The following ALG1L2 variants were observed in gnomAD, a reference collection of about 807,000 sequenced individuals.
ALG1L2 encodes putative glycosyltransferase ALG1L2.
ALG1L2 carries 32 observed loss-of-function variants against 29.0 expected under a neutral mutation model. The ratio of observed to expected loss-of-function variants is 1.10; its 90% CI spans 0.83 to 1.48. The LOEUF (loss-of-function observed/expected upper bound fraction) is 1.48. Among genes scored for constraint, ALG1L2 ranks in the 40% most tolerant of loss-of-function variants. The probability of loss-of-function intolerance (pLI) is 0.00; values close to 1 mark genes in which losing one functional copy is unlikely to be tolerated. For missense variants in ALG1L2, 318 were observed against 274.1 expected (o/e 1.16, Z -1.13); for synonymous variants, 110 against 109.5 (o/e 1.00, Z -0.03).
At chr3:130,098,135 G>A (rs1240404532) in intron 7 of ALG1L2, 88 bp from the exon 8 acceptor site, 3 of 1,559,598 alleles carry the variant, frequency 1.9e-6, no homozygotes, top group Non-Finnish European at 2.6e-6. Flanking sequence ...CTTGGGAGGG[G>A]TTGTTGTTGG....
At chr3:130,088,079 T>A (rs1354011392) in intron 1 of ALG1L2, among the ~76,000 whole-genome samples, 1 of 152,298 alleles carries the variant, frequency 6.6e-6, no homozygotes, top group Non-Finnish European at 1.5e-5. Flanking sequence ...GGCCACATGG[T>A]GACTCAAAAC....
intron 4 of ALG1L2, chr3:130,094,201 CA>C (rs1935080745): frequency 3.2e-6 from 2 of 626,352 alleles, no homozygotes; most frequent in Non-Finnish European, 5.6e-6. Flanking sequence ...GGCTATGCAT[CA>C]GGGGTCAGGG....
chr3:130,084,289 TTCC>T lies in ALG1L2; in HGVS notation c.20+2254_20+2256del, dbSNP rs1934845732. Among the ~76,000 whole-genome samples, 6 of 86,008 alleles carry T rather than the reference TTCC, an allele frequency of 7.0e-5. No homozygotes were observed. The Admixed American group carries it at 7.5e-4, about 11-fold the overall frequency. 56.4% of individuals were successfully genotyped at this position (86,008 alleles called of 152,430 possible). Reference sequence around the variant, plus strand: ...TCTGCACAACATAGCGAGACCCCATTTCCCCCCCTCAAAAAAAATTAATAAAAA... The same window carrying T: ...TCTGCACAACATAGCGAGACCCCATTCCCCCTCAAAAAAAATTAATAAAAA... On this transcript the variant is annotated intron_variant, in intron 1 of 7. Transcript: ENST00000425059.
At chr3:130,087,068 C>T (rs1268383485) in intron 1 of ALG1L2, among the ~76,000 whole-genome samples, 8 of 149,504 alleles carry the variant, frequency 5.4e-5, no homozygotes, top group East Asian at 1.9e-4. Flanking sequence ...TAAATGGCTA[C>T]ATAAGATGAC....
At chr3:130,090,283 G>A (rs1934988613) in intron 1 of ALG1L2, among the ~76,000 whole-genome samples, 1 of 151,930 alleles carries the variant, frequency 6.6e-6, no homozygotes, top group Admixed American at 6.5e-5. Context: ...TTGAACCCGG[G>A]AGGCAAGGTC....
At chr3:130,088,418 T>A (rs1389352081) in intron 1 of ALG1L2, among the ~76,000 whole-genome samples, 2 of 152,020 alleles carry the variant, frequency 1.3e-5, no homozygotes, top group African/African-American at 2.4e-5. Context: ...CAAGATCTAA[T>A]TCTTTTTTTC....
At chr3:130,086,827 C>T (rs1934899400) in intron 1 of ALG1L2, among the ~76,000 whole-genome samples, 1 of 150,720 alleles carries the variant, frequency 6.6e-6, no homozygotes, top group Admixed American at 6.7e-5. Context: ...TCAGCAAAAC[C>T]ACAAGTGGGC....
At chr3:130,091,442 G>C in intron 2 of ALG1L2, 71 bp downstream of exon 2, 2 of 1,479,280 alleles carry the variant, frequency 1.4e-6, no homozygotes, top group Non-Finnish European at 1.8e-6. Flanking sequence ...TCTCACTGCA[G>C]ACCTGGGAAC....
chr3:130,087,736 A>C (rs1157964845), intron 1 of ALG1L2, among the ~76,000 whole-genome samples: 5 of 126,624 alleles, frequency 3.9e-5, no homozygotes, highest in Non-Finnish European at 7.3e-5. Context: ...CATGTCTGGA[A>C]AAATAATAAT....
intron 5 of ALG1L2, among the ~76,000 whole-genome samples, chr3:130,095,324 C>A (rs540289848): frequency 1.3e-5 from 2 of 151,732 alleles, no homozygotes; most frequent in Admixed American, 1.3e-4. Context: ...ACCCATCATG[C>A]CTGGCCCCAG....
At chr3:130,083,620 G>A (rs78579257) in intron 1 of ALG1L2, among the ~76,000 whole-genome samples, 16,468 of 79,320 alleles carry the variant, frequency 0.21, 629 homozygotes, top group Middle Eastern at 0.3. Context: ...AATGTAAAGA[G>A]GAACAGTATA....
intron 2 of ALG1L2, 113 bp from the exon 3 acceptor site, chr3:130,091,988 G>C: frequency 6.5e-7 from 1 of 1,537,062 alleles, no homozygotes. Flanking sequence ...TGCTGATGCA[G>C]CCGGGCACCC....
intron 1 of ALG1L2, among the ~76,000 whole-genome samples, chr3:130,090,083 C>T (rs375348990): frequency 1.2e-4 from 18 of 152,224 alleles, no homozygotes; most frequent in Middle Eastern, 3.4e-3. Flanking sequence ...GGGCCTGGCA[C>T]GGTGGCTCAT....
intron 7 of ALG1L2, 102 bp from the exon 8 acceptor site, chr3:130,098,121 G>A (rs1434977283): frequency 1.3e-6 from 2 of 1,493,778 alleles, no homozygotes; most frequent in Admixed American, 1.9e-5. Context: ...GAGGGAGCTA[G>A]GGACTTGGGA....
At chr3:130,086,050 C>G (rs369499966) in intron 1 of ALG1L2, among the ~76,000 whole-genome samples, 1 of 151,544 alleles carries the variant, frequency 6.6e-6, no homozygotes, top group South Asian at 2.1e-4. Context: ...CACGGGCCAC[C>G]AGGAGGCCTG....
At chr3:130,097,890 A>G (rs528664510) in intron 7 of ALG1L2, among the ~76,000 whole-genome samples, 1 of 152,316 alleles carries the variant, frequency 6.6e-6, no homozygotes, top group Admixed American at 6.5e-5. Flanking sequence ...ACAGTTTAGC[A>G]AGGCTGAAAA....
rs572050509 is a variant in ALG1L2 at position 130,088,403 on chromosome 3, T to C, written c.21-2858T>C. Among the ~76,000 whole-genome samples, 3 of 152,418 alleles carry C rather than the reference T, an allele frequency of 2.0e-5. No individual in the cohort carries two copies. In the South Asian group the frequency reaches 6.2e-4, roughly 32 times the overall value. ...TGCTGTTCCCATGACATTGAATAAG[T>C]CTCACAAGATCTAATTCTTTTTTTC... On this transcript the variant is annotated intron_variant, in intron 1 of 7. Transcript: ENST00000425059.
chr3:130,094,719 G>T (rs6799203), intron 5 of ALG1L2, among the ~76,000 whole-genome samples: 4 of 152,202 alleles, frequency 2.6e-5, no homozygotes, highest in African/African-American at 9.6e-5. Flanking sequence ...TTTACCAAGG[G>T]GTTTGAGGAA....
rs1379432864 is a variant in ALG1L2 at position 130,087,333 on chromosome 3, C to T, written c.21-3928C>T. On this transcript the variant is annotated intron_variant, in intron 1 of 7. Coordinates refer to ENST00000425059, the MANE Select transcript of ALG1L2 (RefSeq NM_001136152.1). ...GACATTCTATCAAATAACCGTCTTGCGTTCTTCAAGAATGCCAATACCATG... is the reference window on the plus strand; with the variant it reads ...GACATTCTATCAAATAACCGTCTTGTGTTCTTCAAGAATGCCAATACCATG... Among the ~76,000 whole-genome samples the T allele has an allele frequency of 2.7e-5, 4 of 149,122 alleles. No homozygotes were observed. The East Asian group carries it at 7.8e-4, about 29-fold the overall frequency.
Sources: gnomAD v4.1 joint callset for allele counts (sites outside exome capture counted in the v4.1 genomes callset) on GRCh38, gnomAD v4.1.1 for gene constraint, MANE v1.5 for transcripts, NCBI Gene and HGNC (gene_info 2026-07-23, HGNC 2026-07-21) for gene names.